CREBBP: variants seen among roughly 807,000 people sequenced by gnomAD.
The protein encoded by CREBBP is CREB binding lysine acetyltransferase, also known as CREB-binding protein.
Under a neutral mutation model 265.0 loss-of-function variants are expected in CREBBP, and 19 were observed. The observed-to-expected ratio is 0.07, with a 90% CI of 0.05 to 0.11. The LOEUF (loss-of-function observed/expected upper bound fraction) is 0.11, where lower values mean the gene tolerates loss of function less well. Ranked by LOEUF, CREBBP falls within the 10% of genes least tolerant of loss-of-function variation. The probability of loss-of-function intolerance (pLI) is 1.00; values close to 1 mark genes in which losing one functional copy is unlikely to be tolerated. For synonymous variants in CREBBP, 1,457 were observed against 1,223.7 expected, an observed-to-expected ratio of 1.19 and a Z score of -3.98; for missense variants, 2,525 against 3,219.0, an observed-to-expected ratio of 0.78 and a Z score of 5.22.
chr16:3,741,373 T>G (rs1015380803), intron 23 of CREBBP: 2 of 152,250 alleles, frequency 1.3e-5, no homozygotes, highest in East Asian at 3.8e-4. Context: ...TAGTGAGAAA[T>G]AGGAAAATTG....
At chr16:3,736,841 G>A (rs2151330357) in intron 26 of CREBBP, 26 bp from the exon 27 acceptor site, 3 of 1,613,836 alleles carry the variant, frequency 1.9e-6, no homozygotes. Context: ...ACACACGTCA[G>A]ATGAACGTGC....
In CREBBP at chr16:3,830,051, A is replaced by G. The variant is rs555707954; in HGVS notation, c.799-19272T>C. ...TAAAAGACTAAGGTTATCAGAATAA[A>G]TTAAATAAGATCTAATGCTACGCTG... On this transcript the variant is annotated intron_variant, in intron 2 of 30. Coordinates refer to ENST00000262367, the MANE Select transcript of CREBBP (RefSeq NM_004380.3). Among the ~76,000 whole-genome samples, 14 of 152,366 alleles carry G rather than the reference A, an allele frequency of 9.2e-5. No individual in the cohort carries two copies. In the South Asian group the frequency reaches 2.9e-3, roughly 32 times the overall value.
intron 3 of CREBBP, among the ~76,000 whole-genome samples, chr16:3,798,967 G>T (rs1267289864): frequency 6.6e-6 from 1 of 152,166 alleles, no homozygotes; most frequent in South Asian, 2.1e-4. Context: ...AACAAAACAC[G>T]GTGTATAACC....
In CREBBP at chr16:3,793,720, G is replaced by C. The variant is rs915392426; in HGVS notation, c.976-94C>G. 9 of 1,417,556 alleles carry C rather than the reference G, an allele frequency of 6.3e-6. No individual in the cohort carries two copies. In the African/African-American group the frequency reaches 1.3e-4, roughly 20 times the overall value. The allele number at this position is 1,417,556 out of a possible 1,614,324, so 87.8% of individuals were successfully genotyped here. On this transcript the variant is annotated intron_variant, in intron 3 of 30. Transcript: ENST00000262367. ...TCTCAAACAAAAGCAAAAGCTGATG[G>C]ATAATACCGACCACAGAGAGAAGGC...
Position 3,858,117 on chromosome 16 carries a change from T to C in CREBBP, c.86-7108A>G, listed in dbSNP as rs569643627. Among the ~76,000 whole-genome samples the C allele has an allele frequency of 2.6e-5, 4 of 152,294 alleles. No homozygotes were observed. In the South Asian group the frequency reaches 8.3e-4, roughly 32 times the overall value. On this transcript the variant is annotated intron_variant, in intron 1 of 30. Transcript: ENST00000262367. ...TAAACACTGAAAGACAAATGGTACCTACATCTGTTCCAGGATCCATTCTTA... is the reference window on the plus strand; with the variant it reads ...TAAACACTGAAAGACAAATGGTACCCACATCTGTTCCAGGATCCATTCTTA...
At chr16:3,756,418 T>C (rs901321612) in intron 19 of CREBBP, among the ~76,000 whole-genome samples, 1 of 152,258 alleles carries the variant, frequency 6.6e-6, no homozygotes, top group Non-Finnish European at 1.5e-5. Flanking sequence ...ACGCAAGCTG[T>C]ATTTTGTGGG....
chr16:3,792,161 A>C, intron 4 of CREBBP, 67 bp from the exon 5 acceptor site: 1 of 1,229,124 alleles, frequency 8.1e-7, no homozygotes, highest in South Asian at 1.2e-5. Flanking sequence ...ATTATACCTA[A>C]ATTATAATGC....
At chr16:3,832,618 A>C (rs2141418278) in intron 2 of CREBBP, among the ~76,000 whole-genome samples, 1 of 152,350 alleles carries the variant, frequency 6.6e-6, no homozygotes, top group East Asian at 1.9e-4. Context: ...ACTGGAGGCA[A>C]CTGTAACAAA....
chr16:3,793,734 CAG>C (rs1051169151), intron 3 of CREBBP, 108 bp from the exon 4 acceptor site: 31 of 1,331,990 alleles, frequency 2.3e-5, no homozygotes, highest in Admixed American at 4.0e-5. Flanking sequence ...ATACCGACCA[CAG>C]AGAGAAGGCT....
At position 3,757,967 on chromosome 16, in the gene CREBBP, A is replaced by G. The variant is rs1309339365; in HGVS notation, c.3451T>C (p.Trp1151Arg). The G allele has an allele frequency of 1.2e-6, 2 of 1,613,896 alleles. No homozygotes were observed. The highest frequency in any genetic ancestry group is 1.7e-5 in the Admixed American group (1 of 59,976). The change falls in exon 18 of 31, where the codon TGG (tryptophan) becomes CGG (arginine). Residue 1151 changes from tryptophan to arginine, a missense_variant. Trp to Arg is a moderately radical substitution (Grantham distance 101). Transcript: ENST00000262367. ...AGCCAGACGTCGTCCACGTACTGCC[A>G]GGGCTCTTGGTATTGCCCTGTGTCC... is the stretch of plus-strand genomic sequence containing the variant. ...KLDTGQYQEP[W>R]QYVDDVWLMF...
chr16:3,782,995 TA>T, intron 5 of CREBBP, 69 bp from the exon 6 acceptor site: 1 of 1,593,992 alleles, frequency 6.3e-7, no homozygotes, highest in South Asian at 1.1e-5. Flanking sequence ...ACGAATGATT[TA>T]AAAACTATTG....
chr16:3,735,955 A>G (rs2052046488), intron 28 of CREBBP, 81 bp downstream of exon 28: 2 of 1,611,932 alleles, frequency 1.2e-6, no homozygotes, highest in Admixed American at 1.7e-5. Flanking sequence ...AGGACCTAAC[A>G]GTCGACACGC....
At chr16:3,851,210 C>A (rs1344426022) in intron 1 of CREBBP, among the ~76,000 whole-genome samples, 1 of 149,662 alleles carries the variant, frequency 6.7e-6, no homozygotes, top group African/African-American at 2.5e-5. Flanking sequence ...ATAGCTTGAA[C>A]CCGGGAGGTG....
At chr16:3,765,633 G>C (rs1285995196) in intron 16 of CREBBP, among the ~76,000 whole-genome samples, 2 of 152,108 alleles carry the variant, frequency 1.3e-5, no homozygotes, top group African/African-American at 4.8e-5. Flanking sequence ...GGGCTTCACA[G>C]CTTCTCAAAA....
At chr16:3,738,847 G>A (rs2052134935) in intron 25 of CREBBP, among the ~76,000 whole-genome samples, 175 bp from the exon 26 acceptor site, 1 of 152,206 alleles carries the variant, frequency 6.6e-6, no homozygotes, top group Admixed American at 6.5e-5. Flanking sequence ...ATGGGCTCAA[G>A]CAATCCTCCT....
intron 2 of CREBBP, among the ~76,000 whole-genome samples, chr16:3,841,322 T>G (rs376252429): frequency 6.6e-6 from 1 of 151,972 alleles, no homozygotes; most frequent in African/African-American, 2.4e-5. Flanking sequence ...CACCGAGAAT[T>G]TGAAGCAAAG....
chr16:3,840,091 A>G (rs2054537741), intron 2 of CREBBP, among the ~76,000 whole-genome samples: 1 of 152,340 alleles, frequency 6.6e-6, no homozygotes, highest in South Asian at 2.1e-4. Flanking sequence ...ATGGCACTAC[A>G]TAGTTTCATT....
rs2054749938 is a variant in CREBBP at position 3,849,427 on chromosome 16, GTGTGTGTGTGTGTGTGTGTGTGTGTGTGT to G, written c.798+841_798+869del. ...TGTGTGTGTGTGTGTGTGTGTGTGT[GTGTGTGTGTGTGTGTGTGTGTGTGTGTGT>G]GTGTGTGTGTGTGTGTGTGTGTGTG... On this transcript the variant is annotated intron_variant, in intron 2 of 30. Coordinates refer to ENST00000262367, the MANE Select transcript of CREBBP (RefSeq NM_004380.3). Among the ~76,000 whole-genome samples the G allele has an allele frequency of 1.6e-3, 26 of 16,392 alleles. 1 individual carries two copies. Among genetic ancestry groups the G allele is most frequent in the South Asian group, 0.01 (3 of 296 alleles). 10.8% of individuals were successfully genotyped at this position (16,392 alleles called of 152,430 possible). A position where few individuals can be genotyped will look rare whatever the true frequency, so the allele number is the denominator to read the frequency against.
At chr16:3,764,863 G>A (rs1029244986) in intron 16 of CREBBP, among the ~76,000 whole-genome samples, 3 of 152,140 alleles carry the variant, frequency 2.0e-5, no homozygotes, top group Admixed American at 2.0e-4. Flanking sequence ...GATTACAGAT[G>A]TGAGCCACCA....
Sources: gnomAD v4.1 joint callset for allele counts (sites outside exome capture counted in the v4.1 genomes callset) on GRCh38, gnomAD v4.1.1 for gene constraint, MANE v1.5 for transcripts, NCBI Gene and HGNC (gene_info 2026-07-23, HGNC 2026-07-21) for gene names.